Variants in CDH13 observed in about 807,000 individuals in gnomAD.
CDH13 encodes the protein cadherin 13.
In CDH13, 24 loss-of-function variants were observed where a neutral mutation model predicts 63.8. That is an observed-to-expected ratio of 0.38 (90% CI 0.27 to 0.53). The LOEUF is 0.53. Among genes scored for constraint, CDH13 ranks in the 20% least tolerant of loss-of-function variants. CDH13 has a pLI of 0.85. For missense variants in CDH13, 1,049 were observed against 903.1 expected (o/e 1.16, Z -2.07); for synonymous variants, 503 against 355.3 (o/e 1.42, Z -4.67).
At chr16:82,686,840 G>A (rs1319483463) in intron 1 of CDH13, among the ~76,000 whole-genome samples, 1 of 152,192 alleles carries the variant, frequency 6.6e-6, no homozygotes, top group Non-Finnish European at 1.5e-5. Context: ...CCCCCACCAT[G>A]TGGAACAACA....
At chr16:83,769,772 G>C (rs1489770587) in intron 11 of CDH13, among the ~76,000 whole-genome samples, 1 of 152,208 alleles carries the variant, frequency 6.6e-6, no homozygotes, top group Non-Finnish European at 1.5e-5. Flanking sequence ...CTGGAGAAGA[G>C]ATCACTGGGG....
intron 6 of CDH13, among the ~76,000 whole-genome samples, chr16:83,380,831 G>GT (rs200970706): frequency 0.033 from 4,737 of 142,506 alleles, 136 homozygotes; most frequent in African/African-American, 0.08. Flanking sequence ...ATTACCCAAG[G>GT]TTTTTTTTTT....
intron 7 of CDH13, among the ~76,000 whole-genome samples, chr16:83,540,250 A>G (rs1434547360): frequency 6.6e-6 from 1 of 151,990 alleles, no homozygotes; most frequent in East Asian, 1.9e-4. Context: ...ATACCACTGG[A>G]GGCTATATGA....
At chr16:83,700,289 A>G (rs1035264469) in intron 10 of CDH13, among the ~76,000 whole-genome samples, 1 of 152,224 alleles carries the variant, frequency 6.6e-6, no homozygotes, top group Non-Finnish European at 1.5e-5. Flanking sequence ...CCTTCTGCAG[A>G]AAGATTCAAT....
chr16:83,025,640 G>C (rs1915732925), intron 2 of CDH13, among the ~76,000 whole-genome samples: 1 of 152,150 alleles, frequency 6.6e-6, no homozygotes, highest in Non-Finnish European at 1.5e-5. Context: ...AACCATATCA[G>C]GTGGTTTGCC....
chr16:82,756,441 G>A (rs4783265), intron 1 of CDH13, among the ~76,000 whole-genome samples: 7,365 of 152,184 alleles, frequency 0.048, 229 homozygotes, highest in Non-Finnish European at 0.071. Context: ...TCCTTCTCAT[G>A]TGCAAGCTGC....
chr16:83,114,995 A>G lies in CDH13; in HGVS notation c.367-10390A>G, dbSNP rs556182264. 3.9e-5 allele frequency among the ~76,000 whole-genome samples: 6 copies of G among 152,354 alleles called. No homozygotes were observed. The South Asian group carries it at 8.3e-4, about 21-fold the overall frequency. ...GCAGACAATTAAGCTGTCCCCCTGC[A>G]GTATAGGTAGCTCCTTTTAGCCAGG... On this transcript the variant is annotated intron_variant, in intron 3 of 13. Coordinates refer to ENST00000567109, the MANE Select transcript of CDH13 (RefSeq NM_001257.5).
chr16:83,231,607 C>G (rs990047181), intron 5 of CDH13, among the ~76,000 whole-genome samples: 1 of 152,090 alleles, frequency 6.6e-6, no homozygotes, highest in Admixed American at 6.5e-5. Flanking sequence ...GGCCTGCAGG[C>G]CCACTCCATT....
chr16:83,071,499 CAGG>C (rs1466674412), intron 3 of CDH13, among the ~76,000 whole-genome samples: 1 of 152,152 alleles, frequency 6.6e-6, no homozygotes, highest in Non-Finnish European at 1.5e-5. Context: ...GCTCTCTGAG[CAGG>C]AGGAGAGCAA....
intron 1 of CDH13, among the ~76,000 whole-genome samples, chr16:82,745,148 A>G (rs1438535739): frequency 6.6e-6 from 1 of 152,176 alleles, no homozygotes. Context: ...CTGGGAAACA[A>G]AAGAATACTG....
intron 10 of CDH13, chr16:83,725,811 T>A (rs1910318539): frequency 6.6e-6 from 1 of 152,244 alleles, no homozygotes; most frequent in Non-Finnish European, 1.5e-5. Context: ...TTCTGTGTTG[T>A]CAGTTAACTT....
Position 83,783,432 on chromosome 16 carries a change from C to G in CDH13, c.2094C>G (p.Ser698Arg), listed in dbSNP as rs1915669379. Residue 698 changes from serine (S) to arginine (R), a missense_variant, in exon 13 of 14, where the codon AGC becomes AGG. Transcript: ENST00000567109. ...DCNAAGALRF[S>R]LPSVLLLSLF... ...ACGCGGCAGGGGCCCTGCGCTTCAG[C>G]CTGCCCTCAGTCCTGCTCCTCAGCC... 3 of 1,613,962 alleles carry G rather than the reference C, an allele frequency of 1.9e-6. No homozygotes were observed. The highest frequency in any genetic ancestry group is 1.1e-5 in the South Asian group (1 of 91,086).
At chr16:83,478,261 G>A (rs549402886) in intron 6 of CDH13, among the ~76,000 whole-genome samples, 1 of 152,128 alleles carries the variant, frequency 6.6e-6, no homozygotes, top group South Asian at 2.1e-4. Context: ...TGAGGCAGGA[G>A]GCACACGCTC....
chr16:82,765,288 C>G (rs2035012310), intron 1 of CDH13, among the ~76,000 whole-genome samples: 1 of 152,158 alleles, frequency 6.6e-6, no homozygotes. Context: ...AGACTATAAG[C>G]CCTTCTACAG....
chr16:83,066,470 A>T (rs540331718), intron 3 of CDH13, among the ~76,000 whole-genome samples: 2 of 152,186 alleles, frequency 1.3e-5, no homozygotes, highest in Non-Finnish European at 2.9e-5. Context: ...GACCTCCTGA[A>T]GTCATCAACC....
intron 1 of CDH13, among the ~76,000 whole-genome samples, chr16:82,669,491 T>A (rs141097384): frequency 9.6e-4 from 147 of 152,370 alleles, no homozygotes; most frequent in African/African-American, 3.4e-3. Context: ...TTAATTGTAA[T>A]TCTGATAACA....
At position 83,047,235 on chromosome 16, in the gene CDH13, G is replaced by GTATT. The variant is rs150625609; in HGVS notation, c.366+15035_366+15038dup. On this transcript the variant is annotated intron_variant, in intron 3 of 13. Coordinates refer to ENST00000567109, the MANE Select transcript of CDH13 (RefSeq NM_001257.5). This position sits in a 1 kb window ranked among gnomAD's most constrained non-coding sequence, Gnocchi z 4.9. ...CCTCACTCTTACTCCAGAGGCCTGT[G>GTATT]TATTTATTTATTTATTTATTTTTTT... Among the ~76,000 whole-genome samples the GTATT allele has an allele frequency of 0.18, 28,052 of 151,806 alleles. 3,065 individuals are homozygous for GTATT. The highest frequency in any genetic ancestry group is 0.33 in the Middle Eastern group (96 of 290).
chr16:83,683,146 A>G (rs1915543813), intron 10 of CDH13, among the ~76,000 whole-genome samples: 2 of 152,234 alleles, frequency 1.3e-5, no homozygotes, highest in Admixed American at 1.3e-4. Flanking sequence ...GGGTGTCCAA[A>G]CATCAGAGGG....
intron 4 of CDH13, among the ~76,000 whole-genome samples, chr16:83,170,624 C>G (rs920577043): frequency 1.3e-5 from 2 of 152,060 alleles, no homozygotes; most frequent in African/African-American, 4.8e-5. Flanking sequence ...TAGTGAGGAA[C>G]AAGAGATTTT....
Sources: allele counts gnomAD v4.1 joint callset (sites outside exome capture counted in the v4.1 genomes callset), GRCh38; gene constraint gnomAD v4.1.1; non-coding constraint Gnocchi (gnomAD v3.1); transcripts MANE v1.5; gene names NCBI Gene and HGNC (gene_info 2026-07-23, HGNC 2026-07-21).